Variants in JMJD1C observed in about 807,000 individuals in gnomAD.
JMJD1C encodes the protein jumonji domain-containing protein 1C.
A neutral mutation model predicts 245.3 loss-of-function variants in JMJD1C; 31 were observed. The observed-to-expected ratio is 0.13, with a 90% CI of 0.09 to 0.17. JMJD1C has a LOEUF of 0.17. Among genes scored for constraint, JMJD1C ranks in the 10% least tolerant of loss-of-function variants. JMJD1C has a pLI of 1.00. For synonymous variants in JMJD1C, 1,057 were observed against 1,017.4 expected, an observed-to-expected ratio of 1.04 and a Z score of -0.74; for missense variants, 2,691 against 3,000.2, an observed-to-expected ratio of 0.90 and a Z score of 2.41.
chr10:63,199,762 C>G (rs1263030674), intron 11 of JMJD1C, among the ~76,000 whole-genome samples: 1 of 152,120 alleles, frequency 6.6e-6, no homozygotes, highest in East Asian at 1.9e-4. Context: ...TTCTTATCAA[C>G]ACGTATTTTT....
intron 2 of JMJD1C, among the ~76,000 whole-genome samples, chr10:63,317,418 T>C (rs1940223337): frequency 6.6e-6 from 1 of 152,030 alleles, no homozygotes; most frequent in African/African-American, 2.4e-5. Flanking sequence ...GGCAGGAGAA[T>C]CACTTGACTT....
chr10:63,498,114 A>G (rs1431726513), intron 1 of JMJD1C, among the ~76,000 whole-genome samples: 2 of 152,320 alleles, frequency 1.3e-5, no homozygotes, highest in East Asian at 3.9e-4. Flanking sequence ...ATCAAGAGTC[A>G]GATACTGACA....
intron 1 of JMJD1C, among the ~76,000 whole-genome samples, chr10:63,451,336 G>C (rs974003904): frequency 3.3e-5 from 5 of 152,052 alleles, no homozygotes; most frequent in African/African-American, 1.2e-4. Context: ...TCTTGAAAAA[G>C]AACAGAGTTG....
At chr10:63,375,712 G>A (rs991571202) in intron 2 of JMJD1C, among the ~76,000 whole-genome samples, 12 of 151,912 alleles carry the variant, frequency 7.9e-5, no homozygotes, top group Admixed American at 3.9e-4. Flanking sequence ...CACCACACTC[G>A]GCTTATTTTA....
Position 63,516,488 on chromosome 10 carries a change from C to T in JMJD1C, n.113+5250G>A, listed in dbSNP as rs562016300. Among the ~76,000 whole-genome samples the T allele has an allele frequency of 2.0e-5, 3 of 152,268 alleles. No homozygotes were observed. The South Asian group carries it at 6.2e-4, about 32-fold the overall frequency. Reference sequence around the variant, plus strand: ...CACCTGAATACCTGAAATCATAAGTCTATCTTGAGCTTAAAACCCTGATTT... The same window carrying T: ...CACCTGAATACCTGAAATCATAAGTTTATCTTGAGCTTAAAACCCTGATTT... On this transcript the variant is annotated intron_variant and non_coding_transcript_variant, in intron 1 of 3. Coordinates refer to the JMJD1C transcript ENST00000633035.
At chr10:63,511,130 A>T (rs958157120) in intron 1 of JMJD1C, among the ~76,000 whole-genome samples, 1 of 152,170 alleles carries the variant, frequency 6.6e-6, no homozygotes, top group Non-Finnish European at 1.5e-5. Flanking sequence ...TCACTCTACT[A>T]ATCTCTGTCT....
Position 63,206,683 on chromosome 10 carries a change from A to T in JMJD1C, c.4986T>A (p.Gly1662=). 14 of 1,613,374 alleles carry T rather than the reference A, an allele frequency of 8.7e-6. No homozygotes were observed. Among genetic ancestry groups the T allele is most frequent in the Non-Finnish European group, 1.2e-5 (14 of 1,179,796 alleles). ...KKQNDLQKRK[G]EIEEDLKPNG... is the part of the protein sequence containing the mutation. ...TGGGTTTCAAATCTTCTTCTATTTCACCTTTTCTCTTTTGCAAATCATTTT... is the reference window on the plus strand; with the variant it reads ...TGGGTTTCAAATCTTCTTCTATTTCTCCTTTTCTCTTTTGCAAATCATTTT... Residue 1662 remains glycine, a synonymous_variant, in exon 10 of 26, where the codon GGT becomes GGA. Transcript: ENST00000399262.
At chr10:63,222,203 A>T (rs1848677427) in intron 3 of JMJD1C, 1 of 759,444 alleles carries the variant, frequency 1.3e-6, no homozygotes, top group East Asian at 2.5e-5. Context: ...GACTGACACC[A>T]TGTTCAGAGG....
chr10:63,520,405 C>T (rs995320203), intron 1 of JMJD1C, among the ~76,000 whole-genome samples: 2 of 151,766 alleles, frequency 1.3e-5, no homozygotes, highest in Non-Finnish European at 2.9e-5. Context: ...TTTTATTCTT[C>T]GCACCATCTG....
At chr10:63,397,839 T>A (rs1276384083) in intron 1 of JMJD1C, among the ~76,000 whole-genome samples, 2 of 152,214 alleles carry the variant, frequency 1.3e-5, no homozygotes, top group Non-Finnish European at 2.9e-5. Flanking sequence ...TCTGGCTTGA[T>A]CTTTTAACCA....
chr10:63,394,369 G>A (rs186724323), intron 1 of JMJD1C, among the ~76,000 whole-genome samples: 39 of 152,220 alleles, frequency 2.6e-4, no homozygotes, highest in African/African-American at 8.7e-4. Flanking sequence ...ATGATACTTC[G>A]ATAACTGAAT....
At chr10:63,204,905 C>G in intron 10 of JMJD1C, 12 of 985,430 alleles carry the variant, frequency 1.2e-5, no homozygotes, top group Non-Finnish European at 1.4e-5. Context: ...CAAATGGGAG[C>G]CTTCAAGCAT....
In JMJD1C at chr10:63,207,401, G is replaced by A. The variant is rs1192781508; in HGVS notation, c.4268C>T (p.Thr1423Ile). The change falls in exon 10 of 26, where the codon ACC becomes ATC. Residue 1423 changes from threonine (T) to isoleucine (I), a missense_variant. By Grantham distance (89) the Thr-to-Ile change is moderately conservative. This residue lies in a region of JMJD1C where 1,562 missense variants were observed against 1,490.7 expected (regional missense o/e 1.05). Coordinates refer to ENST00000399262, the MANE Select transcript of JMJD1C (RefSeq NM_032776.3). ...TTCTGATGATGTAGAGGCCAAAATG[G>A]TATTTGATAAAGAGGAAATTACTTC... ...GSEVISSLSN[T>I]ILASTSSECV... The A allele has an allele frequency of 6.2e-7, 1 of 1,614,082 alleles. No individual in the cohort carries two copies. Among genetic ancestry groups the A allele is most frequent in the East Asian group, 2.2e-5 (1 of 44,882 alleles).
chr10:63,467,847 A>T (rs1464338117), upstream of JMJD1C, among the ~76,000 whole-genome samples: 1 of 152,240 alleles, frequency 6.6e-6, no homozygotes, highest in African/African-American at 2.4e-5. Context: ...TAAAAATGCA[A>T]AAATGCCTGA....
At chr10:63,279,208 C>A (rs189923215) in intron 2 of JMJD1C, among the ~76,000 whole-genome samples, 4 of 152,284 alleles carry the variant, frequency 2.6e-5, no homozygotes, top group Non-Finnish European at 5.9e-5. Context: ...TAAGACGGTG[C>A]CATTGCACTC....
intron 2 of JMJD1C, among the ~76,000 whole-genome samples, chr10:63,339,977 T>C (rs1416962026): frequency 6.6e-6 from 1 of 152,162 alleles, no homozygotes; most frequent in African/African-American, 2.4e-5. Context: ...GGAGAAATGC[T>C]TGAACCCAGG....
chr10:63,383,993 G>A (rs1253008482), intron 1 of JMJD1C, among the ~76,000 whole-genome samples: 3 of 152,128 alleles, frequency 2.0e-5, no homozygotes, highest in African/African-American at 7.2e-5. Context: ...ACCCACAGCT[G>A]AACCTCTTTT....
chr10:63,421,185 T>A (rs970549943), intron 1 of JMJD1C, among the ~76,000 whole-genome samples: 1 of 151,828 alleles, frequency 6.6e-6, no homozygotes, highest in Non-Finnish European at 1.5e-5. Flanking sequence ...AAATACAAAA[T>A]TAGCCGGGCG....
intron 3 of JMJD1C, among the ~76,000 whole-genome samples, chr10:63,237,306 G>A (rs935128396): frequency 3.3e-5 from 5 of 152,024 alleles, no homozygotes; most frequent in Non-Finnish European, 4.4e-5. Flanking sequence ...CCAAAGAGCT[G>A]GGATTACAGG....
Sources: gnomAD v4.1 joint callset for allele counts (sites outside exome capture counted in the v4.1 genomes callset) on GRCh38, gnomAD v4.1.1 for gene constraint, gnomAD v4.1.1 regional missense constraint, MANE v1.5 for transcripts, NCBI Gene and HGNC (gene_info 2026-07-23, HGNC 2026-07-21) for gene names.